The following HNRNPAB variants were observed in gnomAD, a reference collection of about 807,000 sequenced individuals.
HNRNPAB encodes the protein heterogeneous nuclear ribonucleoprotein A/B, also known as ABBP-1.
HNRNPAB carries 17 observed loss-of-function variants against 44.1 expected under a neutral mutation model. The observed-to-expected ratio is 0.39, with a 90% CI of 0.26 to 0.58. HNRNPAB has a LOEUF of 0.58. Among genes scored for constraint, HNRNPAB ranks in the 20% least tolerant of loss-of-function variants. The pLI, the probability that HNRNPAB is intolerant of heterozygous loss-of-function variation, is 0.63. For synonymous variants in HNRNPAB, 183 were observed against 167.6 expected (o/e 1.09, Z -0.71); for missense variants, 393 against 432.7 (o/e 0.91, Z 0.81).
Position 178,209,390 on chromosome 5 carries a change from G to T in HNRNPAB, c.730G>T (p.Gly244Cys). 1 of 1,614,206 alleles carries T rather than the reference G, an allele frequency of 6.2e-7. No homozygotes were observed. Among genetic ancestry groups the T allele is most frequent in the South Asian group, 1.1e-5 (1 of 91,084 alleles). Residue 244 changes from glycine (G) to cysteine (C), a missense_variant, in exon 6 of 8, where the codon GGC (glycine) becomes TGC (cysteine). Gly to Cys is a radical substitution (Grantham distance 159). This residue lies in a region of HNRNPAB where 210 missense variants were observed against 196.9 expected (regional missense o/e 1.07). Transcript: ENST00000358344. Reference protein sequence around the residue: ...VYQQQQYGSGGRGNRNRGNRG... With the variant: ...VYQQQQYGSGCRGNRNRGNRG... ...TCAGCAGCAGCAGTATGGCTCTGGG[G>T]GCCGTGGAAACCGCAACCGAGGGAA...
At chr5:178,209,126 G>A (rs1020925520) in intron 5 of HNRNPAB, among the ~76,000 whole-genome samples, 6 of 152,210 alleles carry the variant, frequency 3.9e-5, no homozygotes, top group African/African-American at 7.2e-5. Flanking sequence ...GCATTCTGTC[G>A]GAAGGGTTCT....
In HNRNPAB at chr5:178,210,638, C is replaced by T. The variant is rs754179252; in HGVS notation, c.*15C>T. 9.6e-5 allele frequency: 154 copies of T among 1,601,150 alleles called. 1 individual carries two copies. The highest frequency in any genetic ancestry group is 7.3e-4 in the South Asian group (66 of 90,806). Reference sequence around the variant, plus strand: ...AGCCATACTGAGGCGGCAGCAGGAGCGACCAACTGATCGCACACATGCTTT... The same window carrying T: ...AGCCATACTGAGGCGGCAGCAGGAGTGACCAACTGATCGCACACATGCTTT... On this transcript the variant is annotated 3_prime_UTR_variant, in exon 8 of 8. Transcript: ENST00000358344.
In HNRNPAB at chr5:178,210,549, C is replaced by T; in HGVS notation, c.929-4C>T. 1 of 1,613,858 alleles carries T rather than the reference C, an allele frequency of 6.2e-7. No individual in the cohort carries two copies. The highest frequency in any genetic ancestry group is 1.7e-4 in the Middle Eastern group (1 of 6,058). ...GTAGCTGCTATGGTTGTTCTCGTCC[C>T]TAGGTCAGGGTAGTACAAACTACGG... On this transcript the variant is annotated splice_polypyrimidine_tract_variant and splice_region_variant and intron_variant, in intron 7 of 7. Transcript: ENST00000358344.
chr5:178,204,972 G>A lies in HNRNPAB; in HGVS notation c.135G>A (p.Ala45=). 7.4e-6 allele frequency: 9 copies of A among 1,209,898 alleles called. No individual in the cohort carries two copies. The highest frequency in any genetic ancestry group is 8.2e-6 in the Non-Finnish European group (8 of 973,826). The allele number at this position is 1,209,898 out of a possible 1,614,324, so 74.9% of individuals were successfully genotyped here. A position where few individuals can be genotyped will look rare whatever the true frequency, so the allele number is the denominator to read the frequency against. The change falls in exon 2 of 8, where the codon GCG becomes GCA. Residue 45 remains alanine, a synonymous_variant. Transcript: ENST00000358344. ...GAAAGAGGAT[A]APPSGNQNGA... ...CGGCGGGGGCTGGAGGCGCGACCGC[G>A]GCGCCCCCGAGCGGGAATCAGAACG...
chr5:178,207,691 C>CTTTTTTTTTTTTTT (rs34424574), intron 5 of HNRNPAB, among the ~76,000 whole-genome samples: 2 of 78,756 alleles, frequency 2.5e-5, no homozygotes, highest in African/African-American at 5.3e-5. Context: ...ACTTTGAGCA[C>CTTTTTTTTTTTTTT]TTTTTTTTTT....
At chr5:178,209,263 A>G (rs1325846544) in intron 5 of HNRNPAB, 67 bp from the exon 6 acceptor site, 3 of 1,178,468 alleles carry the variant, frequency 2.5e-6, no homozygotes, top group Non-Finnish European at 3.8e-6. Flanking sequence ...GTCGCAGTGA[A>G]GGTGTTTGGG....
intron 6 of HNRNPAB, among the ~76,000 whole-genome samples, chr5:178,209,720 G>A (rs1757600037): frequency 6.6e-6 from 1 of 152,138 alleles, no homozygotes; most frequent in South Asian, 2.1e-4. Flanking sequence ...TTGGCTTTGT[G>A]GATGTCCTGA....
At chr5:178,210,095 A>C in intron 6 of HNRNPAB, 37 bp from the exon 7 acceptor site, 1 of 1,608,074 alleles carries the variant, frequency 6.2e-7, no homozygotes. Flanking sequence ...CGTATGCTAA[A>C]TGGTCCACGG....
chr5:178,210,474 C>CTGGGAAG, intron 7 of HNRNPAB, 79 bp from the exon 8 acceptor site: 1 of 1,510,780 alleles, frequency 6.6e-7, no homozygotes, highest in Non-Finnish European at 9.2e-7. Flanking sequence ...GGTGAGGGTC[C>CTGGGAAG]TGGGAAGATG....
intron 5 of HNRNPAB, among the ~76,000 whole-genome samples, chr5:178,207,577 C>T (rs772751228): frequency 1.3e-5 from 2 of 151,930 alleles, no homozygotes; most frequent in African/African-American, 4.8e-5. Flanking sequence ...CTCAGAAGAT[C>T]CTAGAACTTC....
rs1758068255 is a variant in HNRNPAB at position 178,210,820 on chromosome 5, C to CT, written c.*198dup. ...TAGGTGTTTAGGCAGCGTGTGGTGT[C>CT]TGAGAGGCCATAGCGCCATCATGGG... On this transcript the variant is annotated 3_prime_UTR_variant, in exon 8 of 8. Coordinates refer to ENST00000358344, the MANE Select transcript of HNRNPAB (RefSeq NM_031266.3). The CT allele has an allele frequency of 3.3e-6, 2 of 602,856 alleles. No individual in the cohort carries two copies. Among genetic ancestry groups the CT allele is most frequent in the Middle Eastern group, 4.5e-4 (1 of 2,240 alleles). The allele number at this position is 602,856 out of a possible 1,614,324, so 37.3% of individuals were successfully genotyped here. A position where few individuals can be genotyped will look rare whatever the true frequency, so the allele number is the denominator to read the frequency against.
chr5:178,208,061 G>A (rs1393857623), intron 5 of HNRNPAB, among the ~76,000 whole-genome samples: 1 of 152,182 alleles, frequency 6.6e-6, no homozygotes, highest in African/African-American at 2.4e-5. Flanking sequence ...CTTAAATCCA[G>A]GGTCAGTTGT....
chr5:178,205,332 AG>A (rs1166888472), intron 2 of HNRNPAB, among the ~76,000 whole-genome samples: 4 of 151,386 alleles, frequency 2.6e-5, no homozygotes, highest in Non-Finnish European at 4.4e-5. Context: ...GGCCCGGAAG[AG>A]GGAAAGCGCT....
rs2113530191 is a variant in HNRNPAB, at chr5:178,205,049, A to T, written c.209+3A>T. On this transcript the variant is annotated splice_donor_region_variant and intron_variant, in intron 2 of 7. Transcript: ENST00000358344. ...AGCAAGAACGAGGAGGACGCGGGGTAGGTGCGGCCGCGGGCGGACGGGGGC... is the reference window on the plus strand; with the variant it reads ...AGCAAGAACGAGGAGGACGCGGGGTTGGTGCGGCCGCGGGCGGACGGGGGC... 1 of 1,203,600 alleles carries T rather than the reference A, an allele frequency of 8.3e-7. No homozygotes were observed. Among genetic ancestry groups the T allele is most frequent in the African/African-American group, 1.6e-5 (1 of 62,994 alleles). 74.6% of individuals were successfully genotyped at this position (1,203,600 alleles called of 1,614,324 possible).
At chr5:178,207,713 T>TGG (rs1757142585) in intron 5 of HNRNPAB, among the ~76,000 whole-genome samples, 1 of 105,520 alleles carries the variant, frequency 9.5e-6, no homozygotes, top group Non-Finnish European at 2.0e-5. Context: ...TTTTTTTTTT[T>TGG]TTGCTTTGAG....
rs1314725369 is a variant in HNRNPAB at position 178,210,578 on chromosome 5, G to A, written c.954G>A (p.Lys318=). Residue 318 remains lysine (K), a synonymous_variant, in exon 8 of 8, where the codon AAG becomes AAA. Coordinates refer to ENST00000358344, the MANE Select transcript of HNRNPAB (RefSeq NM_031266.3). The part of the protein sequence containing the change: ...DYSQGSTNYG[K]SQRRGGHQNN... Reference sequence around the variant, plus strand: ...GTCAGGGTAGTACAAACTACGGCAAGAGCCAGCGACGTGGTGGCCATCAGA... The same window carrying A: ...GTCAGGGTAGTACAAACTACGGCAAAAGCCAGCGACGTGGTGGCCATCAGA... 1 of 1,614,084 alleles carries A rather than the reference G, an allele frequency of 6.2e-7. No homozygotes were observed. Among genetic ancestry groups the A allele is most frequent in the African/African-American group, 1.3e-5 (1 of 74,930 alleles).
At position 178,210,757 on chromosome 5, in the gene HNRNPAB, C is replaced by T; in HGVS notation, c.*134C>T. On this transcript the variant is annotated 3_prime_UTR_variant, in exon 8 of 8. Coordinates refer to ENST00000358344, the MANE Select transcript of HNRNPAB (RefSeq NM_031266.3). ...TGTGCATCTTATTTAAAATTTCCCC[C>T]ATGGAAATCACTCTCCTGTTGACTA... 1.4e-6 allele frequency: 1 copy of T among 710,596 alleles called. No individual in the cohort carries two copies. The highest frequency in any genetic ancestry group is 2.5e-6 in the Non-Finnish European group (1 of 401,828). The allele number at this position is 710,596 out of a possible 1,614,324, so 44.0% of individuals were successfully genotyped here.
In HNRNPAB at chr5:178,205,909, T is replaced by C; in HGVS notation, c.277T>C (p.Phe93Leu). 1 of 1,614,116 alleles carries C rather than the reference T, an allele frequency of 6.2e-7. No homozygotes were observed. The highest frequency in any genetic ancestry group is 8.5e-7 in the Non-Finnish European group (1 of 1,179,954). ...KKDLKDYFTKFGEVVDCTIKM... is the reference protein window; with the variant it reads ...KKDLKDYFTKLGEVVDCTIKM... The stretch of plus-strand genomic sequence containing the variant: ...AGATTTAAAAGACTATTTTACTAAA[T>C]TTGGAGAGGTCGTTGACTGTACAAT... The change falls in exon 3 of 8, where the codon TTT (phenylalanine) becomes CTT (leucine). Residue 93 changes from phenylalanine (F) to leucine (L), a missense_variant. Phe to Leu is a conservative substitution (Grantham distance 22). Transcript: ENST00000358344.
intron 3 of HNRNPAB, 121 bp from the exon 4 acceptor site, chr5:178,206,611 G>A: frequency 2.0e-6 from 2 of 982,584 alleles, no homozygotes; most frequent in Non-Finnish European, 3.1e-6. Context: ...TTAAGCTGGG[G>A]TAGAATTTGG....
Sources: gnomAD v4.1 joint callset for allele counts (sites outside exome capture counted in the v4.1 genomes callset) on GRCh38, gnomAD v4.1.1 for gene constraint, gnomAD v4.1.1 regional missense constraint, MANE v1.5 for transcripts, NCBI Gene and HGNC (gene_info 2026-07-23, HGNC 2026-07-21) for gene names.